CHRM3: variants seen among roughly 807,000 people sequenced by gnomAD.
The protein encoded by CHRM3 is muscarinic acetylcholine receptor M3.
CHRM3 carries 11 observed loss-of-function variants against 41.8 expected under a neutral mutation model. The ratio of observed to expected loss-of-function variants is 0.26; its 90% CI spans 0.17 to 0.44. The LOEUF (loss-of-function observed/expected upper bound fraction) is 0.44, where lower values mean the gene tolerates loss of function less well. Ranked by LOEUF, CHRM3 falls within the 20% of genes least tolerant of loss-of-function variation. The pLI is 1.00. For synonymous variants in CHRM3, 297 were observed against 301.4 expected (o/e 0.99, Z 0.15); for missense variants, 571 against 745.4 (o/e 0.77, Z 2.72).
rs1475298993 is a variant in CHRM3, at chr1:239,688,718, T to G, written c.-147+10430T>G. The stretch of plus-strand genomic sequence containing the variant: ...TATAATATTATATATAATACATTAT[T>G]CAATATAATATATAATATTATATAT... On this transcript the variant is annotated intron_variant, in intron 5 of 6. Coordinates refer to ENST00000676153, the MANE Select transcript of CHRM3 (RefSeq NM_001375978.1). Among the ~76,000 whole-genome samples the G allele has an allele frequency of 4.5e-5, 6 of 133,864 alleles. No homozygotes were observed. In the South Asian group the frequency reaches 8.7e-4, roughly 19 times the overall value. 87.8% of individuals were successfully genotyped at this position (133,864 alleles called of 152,430 possible).
intron 1 of CHRM3, among the ~76,000 whole-genome samples, chr1:239,422,810 C>T (rs12136118): frequency 6.9e-6 from 1 of 144,290 alleles, no homozygotes; most frequent in African/African-American, 2.9e-5. Context: ...AAAACAAAAA[C>T]AAAAACAAAA....
intron 1 of CHRM3, among the ~76,000 whole-genome samples, chr1:239,461,247 T>A (rs1349097004): frequency 3.9e-5 from 6 of 152,178 alleles, no homozygotes; most frequent in Admixed American, 6.5e-5. Flanking sequence ...ATATTTAAAA[T>A]TAAATGCGCT....
chr1:239,745,841 A>G (rs567306676), intron 5 of CHRM3, among the ~76,000 whole-genome samples: 1 of 152,302 alleles, frequency 6.6e-6, no homozygotes, highest in East Asian at 1.9e-4. Flanking sequence ...TTAATAGAGC[A>G]TAATATGATA....
intron 6 of CHRM3, among the ~76,000 whole-genome samples, chr1:239,875,936 G>A (rs1434714981): frequency 6.6e-6 from 1 of 152,118 alleles, no homozygotes; most frequent in African/African-American, 2.4e-5. Flanking sequence ...CCCCTTAAAG[G>A]TAGTTTTATG....
chr1:239,753,893 A>G (rs1302042430), intron 5 of CHRM3, among the ~76,000 whole-genome samples: 1 of 152,230 alleles, frequency 6.6e-6, no homozygotes, highest in Non-Finnish European at 1.5e-5. Context: ...ACAAGTAAAC[A>G]GTATATTCTG....
chr1:239,563,925 G>A (rs1451937569), intron 3 of CHRM3, among the ~76,000 whole-genome samples: 1 of 152,134 alleles, frequency 6.6e-6, no homozygotes, highest in Non-Finnish European at 1.5e-5. Flanking sequence ...CATGAACACT[G>A]GAATAAGGAC....
chr1:239,823,022 C>T (rs549940325), intron 5 of CHRM3, among the ~76,000 whole-genome samples: 10 of 152,120 alleles, frequency 6.6e-5, no homozygotes, highest in African/African-American at 2.2e-4. Context: ...AATAATGGTT[C>T]GCCAGGTACC....
chr1:239,696,407 A>G (rs1366623451), intron 5 of CHRM3, among the ~76,000 whole-genome samples: 1 of 149,072 alleles, frequency 6.7e-6, no homozygotes, highest in Non-Finnish European at 1.5e-5. Flanking sequence ...AAGCGTGGAC[A>G]CTGGTGCCTT....
chr1:239,768,767 ATTTT>A (rs34982165), intron 5 of CHRM3, among the ~76,000 whole-genome samples: 1 of 142,794 alleles, frequency 7.0e-6, no homozygotes, highest in African/African-American at 2.6e-5. Context: ...TTAAATGATA[ATTTT>A]TTTTTTTTTT....
rs138823525 is a variant in CHRM3, at chr1:239,850,817, G to A, written c.-20+23439G>A. ...GAAGAAGGACGTGTTTTCTTCTTCC[G>A]CCATGACTGTAAGTTTCCTGAGGCC... On this transcript the variant is annotated intron_variant, in intron 6 of 6. Coordinates refer to ENST00000676153, the MANE Select transcript of CHRM3 (RefSeq NM_001375978.1). 9.2e-5 allele frequency among the ~76,000 whole-genome samples: 14 copies of A among 152,146 alleles called. No individual in the cohort carries two copies. In the East Asian group the frequency reaches 1.7e-3, roughly 19 times the overall value.
intron 6 of CHRM3, among the ~76,000 whole-genome samples, chr1:239,896,621 A>T (rs1207268935): frequency 1.3e-5 from 2 of 152,010 alleles, no homozygotes; most frequent in Admixed American, 6.5e-5. Flanking sequence ...ACAACTCTAC[A>T]TTTTTCTGGG....
chr1:239,698,056 A>C (rs1660358638), intron 5 of CHRM3, among the ~76,000 whole-genome samples: 1 of 152,202 alleles, frequency 6.6e-6, no homozygotes, highest in Non-Finnish European at 1.5e-5. Flanking sequence ...CAGAATGAAG[A>C]ATTATTCATA....
chr1:239,787,391 CAG>C (rs1451630721), intron 5 of CHRM3, among the ~76,000 whole-genome samples: 1 of 151,898 alleles, frequency 6.6e-6, no homozygotes, highest in Non-Finnish European at 1.5e-5. Flanking sequence ...GAAGCCTTGG[CAG>C]TAAGGATGAA....
Position 239,572,482 on chromosome 1 carries a change from G to A in CHRM3, c.-313+26733G>A, listed in dbSNP as rs1355618040. On this transcript the variant is annotated intron_variant, in intron 3 of 6. Transcript: ENST00000676153. ...ATGTTGAATGAGATTTCCTAGTTCT[G>A]TATAAATTTGCATCATGATGATATA... Among the ~76,000 whole-genome samples the A allele has an allele frequency of 2.0e-5, 3 of 152,152 alleles. No homozygotes were observed. In the South Asian group the frequency reaches 6.2e-4, roughly 32 times the overall value.
At chr1:239,637,019 A>T (rs1481835846) in intron 4 of CHRM3, among the ~76,000 whole-genome samples, 1 of 152,230 alleles carries the variant, frequency 6.6e-6, no homozygotes, top group Non-Finnish European at 1.5e-5. Context: ...TATCCTCGGT[A>T]TTAAAGGAAG....
intron 4 of CHRM3, among the ~76,000 whole-genome samples, chr1:239,677,689 T>C (rs1658148979): frequency 6.6e-6 from 1 of 152,236 alleles, no homozygotes; most frequent in Non-Finnish European, 1.5e-5. Context: ...CCTCATAGCT[T>C]AATCACCTCT....
chr1:239,478,161 C>T (rs1160442888), intron 1 of CHRM3, among the ~76,000 whole-genome samples: 1 of 152,152 alleles, frequency 6.6e-6, no homozygotes, highest in Non-Finnish European at 1.5e-5. Flanking sequence ...TTCCCAAGTT[C>T]TGATGAAAGG....
intron 5 of CHRM3, among the ~76,000 whole-genome samples, chr1:239,724,349 T>C (rs899738444): frequency 2.0e-5 from 3 of 151,972 alleles, no homozygotes; most frequent in African/African-American, 7.2e-5. Context: ...GATAATATCT[T>C]TGTAGTATTC....
rs572773597 is a variant in CHRM3 at position 239,727,316 on chromosome 1, T to C, written c.-147+49028T>C. On this transcript the variant is annotated intron_variant, in intron 5 of 6. Transcript: ENST00000676153. The stretch of plus-strand genomic sequence containing the variant: ...CACCTGACCCCAAAAGAATGAATAT[T>C]AAAATGTATTCTTATTTTAAAATGT... 4.6e-5 allele frequency among the ~76,000 whole-genome samples: 7 copies of C among 152,078 alleles called. No homozygotes were observed. In the East Asian group the frequency reaches 1.2e-3, roughly 25 times the overall value.
Sources: allele counts gnomAD v4.1 joint callset (sites outside exome capture counted in the v4.1 genomes callset), GRCh38; gene constraint gnomAD v4.1.1; transcripts MANE v1.5; gene names NCBI Gene and HGNC (gene_info 2026-07-23, HGNC 2026-07-21).